COG4: variants seen among roughly 807,000 people sequenced by gnomAD.
COG4 encodes the protein conserved oligomeric Golgi complex subunit 4.
A neutral mutation model predicts 95.1 loss-of-function variants in COG4; 65 were observed. The ratio of observed to expected loss-of-function variants is 0.68; its 90% CI spans 0.56 to 0.84. COG4 has a LOEUF of 0.84. COG4 is among the 40% of genes least tolerant of loss of function. COG4 has a pLI of 0.00. For missense variants in COG4, 1,045 were observed against 989.1 expected (o/e 1.06, Z -0.76); for synonymous variants, 421 against 374.8 (o/e 1.12, Z -1.42).
chr16:70,508,147 C>T (rs533465768), intron 8 of COG4, among the ~76,000 whole-genome samples: 1 of 152,128 alleles, frequency 6.6e-6, no homozygotes, highest in African/African-American at 2.4e-5. Context: ...TCTCGAACTC[C>T]CGACCTTGTG....
At chr16:70,497,672 AG>A (rs534395452) in intron 10 of COG4, among the ~76,000 whole-genome samples, 6 of 151,764 alleles carry the variant, frequency 4.0e-5, no homozygotes, top group Non-Finnish European at 8.8e-5. Flanking sequence ...ACAAACCTTC[AG>A]GGAGGTAGGG....
At position 70,481,005 on chromosome 16, in the gene COG4, G is replaced by A; in HGVS notation, c.*5C>T. ...GTGATGAGCCAGGTGTGCTCATCCA[G>A]GCAGCTACAGGCGCAGCCTCTTGAT... On this transcript the variant is annotated 3_prime_UTR_variant, in exon 19 of 19. Transcript: ENST00000323786. The A allele has an allele frequency of 6.2e-6, 10 of 1,612,086 alleles. No homozygotes were observed. Among genetic ancestry groups the A allele is most frequent in the Non-Finnish European group, 8.5e-6 (10 of 1,180,030 alleles).
Position 70,481,492 on chromosome 16 carries a change from AG to A in COG4, c.2107-6del. On this transcript the variant is annotated splice_region_variant and splice_polypyrimidine_tract_variant and intron_variant, in intron 17 of 18. Transcript: ENST00000323786. The stretch of plus-strand genomic sequence containing the variant: ...GTCAAACTGCAGACCACCCAGCTGC[AG>A]GAGAACCCAAGCCCAGTCACTACTT... 2 of 1,611,340 alleles carry A rather than the reference AG, an allele frequency of 1.2e-6. No homozygotes were observed. Among genetic ancestry groups the A allele is most frequent in the Non-Finnish European group, 1.7e-6 (2 of 1,179,990 alleles).
chr16:70,510,048 T>C lies in COG4; in HGVS notation c.739-27A>G, dbSNP rs780885086. 4 of 1,574,196 alleles carry C rather than the reference T, an allele frequency of 2.5e-6. No individual in the cohort carries two copies. The Admixed American group carries it at 6.7e-5, about 26-fold the overall frequency. ...TAAAAAAGGAGAAAACCCACACACA[T>C]TCCTCAGAAAGGTCACCCTCATACC... On this transcript the variant is annotated intron_variant, in intron 5 of 18. Transcript: ENST00000323786.
At chr16:70,495,312 G>A (rs1005914270) in intron 12 of COG4, among the ~76,000 whole-genome samples, 2 of 150,610 alleles carry the variant, frequency 1.3e-5, no homozygotes, top group African/African-American at 2.5e-5. Context: ...CAGGAGAATC[G>A]CTTGAACCTG....
At chr16:70,521,444 ACTC>A (rs2049939975) in intron 1 of COG4, among the ~76,000 whole-genome samples, 1 of 150,790 alleles carries the variant, frequency 6.6e-6, no homozygotes. Context: ...TTGGTCTCGA[ACTC>A]CTGACCTCGG....
intron 9 of COG4, among the ~76,000 whole-genome samples, chr16:70,500,641 G>A (rs952270209): frequency 6.6e-6 from 1 of 152,114 alleles, no homozygotes; most frequent in African/African-American, 2.4e-5. Context: ...GATTACAGAT[G>A]TGAGCCACCG....
At chr16:70,484,022 G>T in intron 13 of COG4, 53 bp from the exon 14 acceptor site, 2 of 1,321,284 alleles carry the variant, frequency 1.5e-6, no homozygotes, top group Non-Finnish European at 2.2e-6. Context: ...CCATGGGAGT[G>T]TGAGGAGCCA....
At chr16:70,498,205 A>C (rs772139238) in intron 9 of COG4, 150 bp from the exon 10 acceptor site, 51 of 647,826 alleles carry the variant, frequency 7.9e-5, no homozygotes, top group Non-Finnish European at 1.3e-4. Flanking sequence ...AGCAATTTTG[A>C]ATTCTGTTTT....
At chr16:70,517,537 G>T in intron 3 of COG4, 89 bp downstream of exon 3, 1 of 763,148 alleles carries the variant, frequency 1.3e-6, no homozygotes, top group South Asian at 1.5e-5. Flanking sequence ...GTAGTGAGCT[G>T]TCATTGTACC....
At chr16:70,487,939 C>G (rs1209984960) in intron 13 of COG4, among the ~76,000 whole-genome samples, 1 of 151,996 alleles carries the variant, frequency 6.6e-6, no homozygotes, top group East Asian at 1.9e-4. Flanking sequence ...ATTCTCCTGT[C>G]TCAGCTTCCT....
At chr16:70,502,755 T>C (rs567537233) in intron 8 of COG4, among the ~76,000 whole-genome samples, 2 of 152,308 alleles carry the variant, frequency 1.3e-5, no homozygotes, top group African/African-American at 4.8e-5. Context: ...AAATACAAAG[T>C]TGGAGGAATC....
In COG4 at chr16:70,513,615, C is replaced by T. The variant is rs376930040; in HGVS notation, c.544+720G>A. The stretch of plus-strand genomic sequence containing the variant: ...AACAACATACCATGATAAAGTTATG[C>T]AAATGTGGCCTCTCTCTTAAAATAT... On this transcript the variant is annotated intron_variant, in intron 4 of 18. Transcript: ENST00000323786. 3.0e-4 allele frequency among the ~76,000 whole-genome samples: 46 copies of T among 152,242 alleles called. No individual in the cohort carries two copies. The South Asian group carries it at 3.5e-3, about 12-fold the overall frequency.
rs1597650115 is a variant in COG4 at position 70,481,064 on chromosome 16, C to T, written c.2316G>A (p.Val772=). The change falls in exon 19 of 19, where the codon GTG becomes GTA. Residue 772 remains valine, a synonymous_variant. Coordinates refer to ENST00000323786, the MANE Select transcript of COG4 (RefSeq NM_015386.3). ...TGCGGAAGTCTATCCGCAGGGCCAG[C>T]ACCTGGCGCACTTCAGCAGGGGTGA... is the stretch of plus-strand genomic sequence containing the variant. ...WRLTPAEVRQ[V]LALRIDFRSE... The T allele has an allele frequency of 6.2e-7, 1 of 1,613,370 alleles. No homozygotes were observed. Among genetic ancestry groups the T allele is most frequent in the Non-Finnish European group, 8.5e-7 (1 of 1,180,048 alleles).
Position 70,482,095 on chromosome 16 carries a change from G to A in COG4, c.2001C>T (p.Phe667=). ...ILNLEQQMAE[F]KASLSPVIYD... is the part of the protein sequence containing the mutation. The stretch of plus-strand genomic sequence containing the variant: ...GATCCCTAGGGCCCCTGCTCACCTT[G>A]AACTCTGCCATTTGCTGCTCCAGGT... The change falls in exon 16 of 19, where the codon TTC becomes TTT. Residue 667 remains phenylalanine (F), a synonymous_variant. Coordinates refer to ENST00000323786, the MANE Select transcript of COG4 (RefSeq NM_015386.3). 2 of 1,613,270 alleles carry A rather than the reference G, an allele frequency of 1.2e-6. No homozygotes were observed. The highest frequency in any genetic ancestry group is 1.7e-6 in the Non-Finnish European group (2 of 1,179,284).
Position 70,514,518 on chromosome 16 carries a change from A to G in COG4, c.370-9T>C. ...GCCTGATAGAGGCGGTTCTGCAAAA[A>G]GATTTGGTACTTACAAACAATGTCC... On this transcript the variant is annotated splice_polypyrimidine_tract_variant and intron_variant, in intron 3 of 18. Coordinates refer to ENST00000323786, the MANE Select transcript of COG4 (RefSeq NM_015386.3). 6.2e-7 allele frequency: 1 copy of G among 1,613,584 alleles called. No individual in the cohort carries two copies. The highest frequency in any genetic ancestry group is 8.5e-7 in the Non-Finnish European group (1 of 1,179,804).
At chr16:70,481,305 T>C in intron 18 of COG4, 54 bp downstream of exon 18, 1 of 1,608,366 alleles carries the variant, frequency 6.2e-7, no homozygotes, top group Non-Finnish European at 8.5e-7. Flanking sequence ...CGGGGATCCA[T>C]CTTTGCCTCT....
Position 70,509,987 on chromosome 16 carries a change from A to T in COG4, c.773T>A (p.Val258Glu), listed in dbSNP as rs769769662. The T allele has an allele frequency of 2.2e-5, 36 of 1,613,988 alleles. No homozygotes were observed. The highest frequency in any genetic ancestry group is 5.3e-5 in the African/African-American group (4 of 74,948). Residue 258 changes from valine (V) to glutamate (E), a missense_variant, in exon 6 of 19, where the codon GTG (valine) becomes GAG (glutamate). Physicochemically the swap from Val to Glu is moderately radical, Grantham distance 121 (BLOSUM62 -2). Transcript: ENST00000323786. ...CCGATCACTCATGTCTGTCCCCAGC[A>T]CCATGAGCAGATTCTCCTCAGCTTT... is the stretch of plus-strand genomic sequence containing the variant. ...ASKAEENLLM[V>E]LGTDMSDRRA... is the part of the protein sequence containing the mutation.
At chr16:70,521,802 C>T (rs1170450353) in intron 1 of COG4, among the ~76,000 whole-genome samples, 8 of 149,742 alleles carry the variant, frequency 5.3e-5, no homozygotes, top group Non-Finnish European at 8.9e-5. Context: ...CCCTGGTTCA[C>T]GCCATTCTCC....
Sources: gnomAD v4.1 joint callset for allele counts (sites outside exome capture counted in the v4.1 genomes callset) on GRCh38, gnomAD v4.1.1 for gene constraint, MANE v1.5 for transcripts, NCBI Gene and HGNC (gene_info 2026-07-23, HGNC 2026-07-21) for gene names.